The following DENND1A variants were observed in gnomAD, a reference collection of about 807,000 sequenced individuals.
DENND1A encodes DENN domain containing 1A.
DENND1A carries 51 observed loss-of-function variants against 113.7 expected under a neutral mutation model. The observed-to-expected ratio is 0.45, with a 90% confidence interval of 0.36 to 0.57. The LOEUF is 0.57. Ranked by LOEUF, DENND1A falls within the 20% of genes least tolerant of loss-of-function variation. The pLI is 0.00. For missense variants in DENND1A, 1,258 were observed against 1,395.9 expected (o/e 0.90, Z 1.57); for synonymous variants, 565 against 570.8 (o/e 0.99, Z 0.14).
chr9:123,739,111 C>T (rs1173786523), intron 5 of DENND1A, among the ~76,000 whole-genome samples: 1 of 152,114 alleles, frequency 6.6e-6, no homozygotes, highest in African/African-American at 2.4e-5. Context: ...GTTCTCCATA[C>T]TCTCAAGAAA....
At position 123,422,310 on chromosome 9, in the gene DENND1A, C is replaced by A. The variant is rs1479611051; in HGVS notation, c.1489-10481G>T. Among the ~76,000 whole-genome samples the A allele has an allele frequency of 6.6e-6, 1 of 152,246 alleles. No homozygotes were observed. Among genetic ancestry groups the A allele is most frequent in the African/African-American group, 2.4e-5 (1 of 41,468 alleles). ...TCTGCAAGACTGGCAACATTCCTGG[C>A]ATGCTTCTGATCAGGAAAAACCCTC... On this transcript the variant is annotated intron_variant, in intron 19 of 23. Coordinates refer to ENST00000394215, the MANE Select transcript of DENND1A (RefSeq NM_001352964.2). The surrounding 1 kb of genome is among the most constrained non-coding windows in gnomAD (Gnocchi z 4.8).
rs569383619 is a variant in DENND1A, at chr9:123,588,638, G to C, written c.766-5368C>G. Among the ~76,000 whole-genome samples the C allele has an allele frequency of 1.3e-3, 171 of 133,292 alleles. 3 individuals carry two copies. Among genetic ancestry groups the C allele is most frequent in the Non-Finnish European group, 2.0e-3 (122 of 62,148 alleles). The allele number at this position is 133,292 out of a possible 152,430, so 87.4% of individuals were successfully genotyped here. ...TCCATCTCAAAAAAAAAAAAAGGGGGGGGGGGAAGAGAAAAGTTTAAAGAA... is the reference window on the plus strand; with the variant it reads ...TCCATCTCAAAAAAAAAAAAAGGGGCGGGGGGAAGAGAAAAGTTTAAAGAA... On this transcript the variant is annotated intron_variant, in intron 11 of 23. Transcript: ENST00000394215.
chr9:123,497,147 C>A (rs1317224015), intron 13 of DENND1A, among the ~76,000 whole-genome samples: 1 of 152,172 alleles, frequency 6.6e-6, no homozygotes, highest in Non-Finnish European at 1.5e-5. Flanking sequence ...CAGGGCAGCA[C>A]GGACCACGTG....
intron 19 of DENND1A, chr9:123,413,734 C>A: frequency 1.0e-6 from 1 of 985,494 alleles, no homozygotes; most frequent in Non-Finnish European, 1.2e-6. Flanking sequence ...TGACAGCTAC[C>A]CGGGAGTTGG....
intron 19 of DENND1A, among the ~76,000 whole-genome samples, chr9:123,412,920 G>A (rs1214730892): frequency 6.6e-6 from 1 of 152,204 alleles, no homozygotes; most frequent in African/African-American, 2.4e-5. Context: ...ACGTTAAGAT[G>A]TGCTCTAAAT....
At chr9:123,626,468 T>A (rs367837286) in intron 10 of DENND1A, among the ~76,000 whole-genome samples, 41 of 152,042 alleles carry the variant, frequency 2.7e-4, no homozygotes, top group African/African-American at 7.0e-4. Flanking sequence ...TTTTTCTCAC[T>A]CTCTCTCTCC....
intron 1 of DENND1A, among the ~76,000 whole-genome samples, chr9:123,883,698 GA>G (rs1214561517): frequency 2.0e-5 from 3 of 151,942 alleles, no homozygotes; most frequent in Admixed American, 6.5e-5. Context: ...AAATTTCAAA[GA>G]AAAAAGGCAT....
intron 2 of DENND1A, among the ~76,000 whole-genome samples, chr9:123,846,119 A>G (rs928670055): frequency 4.6e-5 from 7 of 152,224 alleles, no homozygotes; most frequent in Non-Finnish European, 8.8e-5. Flanking sequence ...CATTAGAGAA[A>G]GGCAAATCAA....
intron 11 of DENND1A, among the ~76,000 whole-genome samples, chr9:123,603,586 G>A (rs963648870): frequency 1.4e-4 from 22 of 152,270 alleles, no homozygotes; most frequent in Middle Eastern, 3.4e-3. Flanking sequence ...CCCATCACAC[G>A]CCTCTTGAAA....
intron 2 of DENND1A, among the ~76,000 whole-genome samples, chr9:123,842,251 A>G (rs1172750753): frequency 6.6e-6 from 1 of 152,232 alleles, no homozygotes; most frequent in Non-Finnish European, 1.5e-5. Flanking sequence ...CTTGAAGATA[A>G]ATGCCAATTC....
At chr9:123,554,035 C>T (rs541505149) in intron 13 of DENND1A, among the ~76,000 whole-genome samples, 2 of 152,124 alleles carry the variant, frequency 1.3e-5, no homozygotes, top group South Asian at 4.1e-4. Flanking sequence ...GGATTATAGG[C>T]GTGAGCCAAT....
At chr9:123,674,996 CTG>C (rs1336110866) in intron 6 of DENND1A, among the ~76,000 whole-genome samples, 1 of 152,162 alleles carries the variant, frequency 6.6e-6, no homozygotes, top group Admixed American at 6.5e-5. Context: ...CTAAAGGTAA[CTG>C]TGAATCAGAA....
rs1428100264 is a variant in DENND1A at position 123,879,199 on chromosome 9, G to T, written c.18-178C>A. Among the ~76,000 whole-genome samples the T allele has an allele frequency of 1.2e-4, 18 of 152,076 alleles. 1 individual carries two copies. The highest frequency in any genetic ancestry group is 1.2e-3 in the Admixed American group (18 of 15,262). On this transcript the variant is annotated intron_variant, in intron 1 of 23. Transcript: ENST00000394215. ...ACCATGCCTTCCTAAACTACAAAAT[G>T]AAAACACTTAGCCAAAGAATTACTG...
chr9:123,500,401 G>A (rs976669289), intron 13 of DENND1A, among the ~76,000 whole-genome samples: 2 of 152,206 alleles, frequency 1.3e-5, no homozygotes, highest in Non-Finnish European at 2.9e-5. Context: ...ATTTCAAGCT[G>A]TCAATGTGTT....
At chr9:123,639,838 C>T (rs942855510) in intron 9 of DENND1A, among the ~76,000 whole-genome samples, 9 of 150,970 alleles carry the variant, frequency 6.0e-5, no homozygotes, top group Non-Finnish European at 2.9e-5. Context: ...ACTGAATTCA[C>T]ATTACTATCT....
At chr9:123,543,924 G>A (rs1231311705) in intron 13 of DENND1A, among the ~76,000 whole-genome samples, 1 of 152,036 alleles carries the variant, frequency 6.6e-6, no homozygotes, top group African/African-American at 2.4e-5. Flanking sequence ...GCAAGTCAGT[G>A]CCCTGGTCAG....
intron 2 of DENND1A, among the ~76,000 whole-genome samples, chr9:123,860,787 G>A (rs555937863): frequency 3.3e-5 from 5 of 152,160 alleles, no homozygotes; most frequent in African/African-American, 7.2e-5. Flanking sequence ...TATGTCCTCC[G>A]CTTTACAGTG....
At chr9:123,552,692 A>G (rs1159426814) in intron 13 of DENND1A, among the ~76,000 whole-genome samples, 3 of 152,240 alleles carry the variant, frequency 2.0e-5, no homozygotes, top group Non-Finnish European at 4.4e-5. Flanking sequence ...TCTACCCTGC[A>G]GGCTCATTCT....
chr9:123,779,823 CA>C (rs199633091), intron 3 of DENND1A, among the ~76,000 whole-genome samples: 3,334 of 151,762 alleles, frequency 0.022, 47 homozygotes, highest in Middle Eastern at 0.034. Flanking sequence ...GACAGGGTGG[CA>C]GGGGCCAGAT....
Sources: allele counts gnomAD v4.1 joint callset (sites outside exome capture counted in the v4.1 genomes callset), GRCh38; gene constraint gnomAD v4.1.1; non-coding constraint Gnocchi (gnomAD v3.1); transcripts MANE v1.5; gene names NCBI Gene and HGNC (gene_info 2026-07-23, HGNC 2026-07-21).